Variants in EPOR observed in about 807,000 individuals in gnomAD.
EPOR encodes the protein erythropoietin receptor.
Under a neutral mutation model 34.3 loss-of-function variants are expected in EPOR, and 20 were observed. The ratio of observed to expected loss-of-function variants is 0.58; its 90% CI spans 0.41 to 0.85. EPOR has a LOEUF of 0.85. EPOR is among the 40% of genes least tolerant of loss of function. The probability of loss-of-function intolerance (pLI) is 0.00; values close to 1 mark genes in which losing one functional copy is unlikely to be tolerated. For synonymous variants in EPOR, 312 were observed against 299.0 expected, an observed-to-expected ratio of 1.04 and a Z score of -0.45; for missense variants, 601 against 672.7, an observed-to-expected ratio of 0.89 and a Z score of 1.18.
At chr19:11,382,763 G>C in intron 2 of EPOR, 1 of 1,220,838 alleles carries the variant, frequency 8.2e-7, no homozygotes, top group Non-Finnish European at 1.1e-6. Context: ...CAAAGAGTTG[G>C]GATTACAGGC....
rs1347652049 is a variant in EPOR at position 11,383,952 on chromosome 19, G to GT, written c.115+140dup. 2.9e-5 allele frequency: 20 copies of GT among 687,220 alleles called. No homozygotes were observed. The highest frequency in any genetic ancestry group is 2.1e-4 in the South Asian group (14 of 65,236). The allele number at this position is 687,220 out of a possible 1,614,324, so 42.6% of individuals were successfully genotyped here. Reference sequence around the variant, plus strand: ...CACCCATCCAGGACCCAGTCTAAGGGTTCAGATGCCAGCTTGGCCCCCAGG... The same window carrying GT: ...CACCCATCCAGGACCCAGTCTAAGGGTTTCAGATGCCAGCTTGGCCCCCAGG... On this transcript the variant is annotated intron_variant, in intron 1 of 7. Coordinates refer to ENST00000222139, the MANE Select transcript of EPOR (RefSeq NM_000121.4). The surrounding 1 kb of genome is among the most constrained non-coding windows in gnomAD (Gnocchi z 4.9).
rs900918184 is a variant in EPOR at position 11,382,886 on chromosome 19, G to A, written c.251+211C>T. 3.9e-6 allele frequency: 6 copies of A among 1,524,436 alleles called. No homozygotes were observed. In the Admixed American group the frequency reaches 1.2e-4, roughly 30 times the overall value. The allele number at this position is 1,524,436 out of a possible 1,614,324, so 94.4% of individuals were successfully genotyped here. On this transcript the variant is annotated intron_variant, in intron 2 of 7. Transcript: ENST00000222139. ...CGTTGTTATCCCAGCCTGATGTTTG[G>A]GGTCGCGTTCCAGCGGTGATCGCGG...
rs1204142088 is a variant in EPOR at position 11,381,045 on chromosome 19, T to TG, written c.739+10dup. On this transcript the variant is annotated intron_variant, in intron 5 of 7. Transcript: ENST00000222139. The surrounding 1 kb of genome is among the most constrained non-coding windows in gnomAD (Gnocchi z 5.3). ...CCCTGGCTCCTCCTACACCCCCGCCTGGGGCCTCACCGCTAGGCGTCAGCA... is the reference window on the plus strand; with the variant it reads ...CCCTGGCTCCTCCTACACCCCCGCCTGGGGGCCTCACCGCTAGGCGTCAGCA... The TG allele has an allele frequency of 1.3e-6, 2 of 1,596,028 alleles. No individual in the cohort carries two copies. The highest frequency in any genetic ancestry group is 2.7e-5 in the African/African-American group (2 of 74,570).
rs1444507777 is a variant in EPOR, at chr19:11,377,811, C to T, written c.*173G>A. 3 of 790,642 alleles carry T rather than the reference C, an allele frequency of 3.8e-6. No individual in the cohort carries two copies. The highest frequency in any genetic ancestry group is 6.7e-6 in the Non-Finnish European group (3 of 445,110). 49.0% of individuals were successfully genotyped at this position (790,642 alleles called of 1,614,324 possible). A position where few individuals can be genotyped will look rare whatever the true frequency, so the allele number is the denominator to read the frequency against. ...TATATAGATACAAAAAAAAACTATA[C>T]ATATTTAAAAATACTGCAAGGTTGT... On this transcript the variant is annotated 3_prime_UTR_variant, in exon 8 of 8. Transcript: ENST00000222139.
Position 11,377,930 on chromosome 19 carries a change from C to A in EPOR, c.*54G>T, listed in dbSNP as rs1166731146. ...CATCCCTGTTCCATAAGTCTTGAGT[C>A]TGCACTGGTTCTCTGAGTCATATTG... On this transcript the variant is annotated 3_prime_UTR_variant, in exon 8 of 8. Coordinates refer to ENST00000222139, the MANE Select transcript of EPOR (RefSeq NM_000121.4). 6.2e-7 allele frequency: 1 copy of A among 1,610,762 alleles called. No individual in the cohort carries two copies. Among genetic ancestry groups the A allele is most frequent in the East Asian group, 2.2e-5 (1 of 44,882 alleles).
rs756727018 is a variant in EPOR at position 11,381,750 on chromosome 19, G to A, written c.527C>T (p.Ser176Phe). Residue 176 changes from serine (S) to phenylalanine (F), a missense_variant, in exon 4 of 8, where the codon TCT becomes TTT. Physicochemically the swap from Ser to Phe is radical, Grantham distance 155. Coordinates refer to ENST00000222139, the MANE Select transcript of EPOR (RefSeq NM_000121.4). This position sits in a 1 kb window ranked among gnomAD's most constrained non-coding sequence, Gnocchi z 5.3. ...GACGTCCACCTCGTAGCGGATGTGAGACGTCATGGGTGTCTCAGGCGGCGG... is the reference window on the plus strand; with the variant it reads ...GACGTCCACCTCGTAGCGGATGTGAAACGTCATGGGTGTCTCAGGCGGCGG... ...WLPPPETPMT[S>F]HIRYEVDVSA... is the part of the protein sequence containing the mutation. 2 of 1,613,350 alleles carry A rather than the reference G, an allele frequency of 1.2e-6. No individual in the cohort carries two copies. The highest frequency in any genetic ancestry group is 1.7e-6 in the Non-Finnish European group (2 of 1,179,740).
At chr19:11,382,704 G>A (rs1306923744) in intron 2 of EPOR, 6 of 675,160 alleles carry the variant, frequency 8.9e-6, no homozygotes, top group Non-Finnish European at 1.3e-5. Flanking sequence ...GTGTTGCCCA[G>A]GCTGGTCTTG....
intron 2 of EPOR, 133 bp downstream of exon 2, chr19:11,382,964 T>G: frequency 6.3e-7 from 1 of 1,575,336 alleles, no homozygotes; most frequent in Non-Finnish European, 8.6e-7. Context: ...ACCCGCAGGT[T>G]TCCCTCCAGT....
chr19:11,382,698 T>C, intron 2 of EPOR: 1 of 623,176 alleles, frequency 1.6e-6, no homozygotes, highest in Non-Finnish European at 2.4e-6. Flanking sequence ...CTCGCTGTGT[T>C]GCCCAGGCTG....
At position 11,378,622 on chromosome 19, in the gene EPOR, G is replaced by A. The variant is rs1002715714; in HGVS notation, c.916-27C>T. On this transcript the variant is annotated intron_variant, in intron 7 of 7. Transcript: ENST00000222139. The surrounding 1 kb of genome is among the most constrained non-coding windows in gnomAD (Gnocchi z 5.3). ...TGAAGAAATAGCACCAACCTGCTCA[G>A]AGAGGCCTGCAGTTTGGCTGCAAGA... is the stretch of plus-strand genomic sequence containing the variant. The A allele has an allele frequency of 6.2e-7, 1 of 1,614,204 alleles. No individual in the cohort carries two copies. The highest frequency in any genetic ancestry group is 8.5e-7 in the Non-Finnish European group (1 of 1,180,028).
At position 11,378,817 on chromosome 19, in the gene EPOR, C is replaced by T; in HGVS notation, c.828-39G>A. 1 of 1,588,480 alleles carries T rather than the reference C, an allele frequency of 6.3e-7. No homozygotes were observed. The highest frequency in any genetic ancestry group is 1.1e-5 in the South Asian group (1 of 90,514). On this transcript the variant is annotated intron_variant, in intron 6 of 7. Transcript: ENST00000222139. This position sits in a 1 kb window ranked among gnomAD's most constrained non-coding sequence, Gnocchi z 5.3. Reference sequence around the variant, plus strand: ...TATAAATAGTTACATAGATATGACTCATTGAATACTCACCAATTCCCCCTC... The same window carrying T: ...TATAAATAGTTACATAGATATGACTTATTGAATACTCACCAATTCCCCCTC...
At chr19:11,379,448 G>A (rs949838170) in intron 6 of EPOR, among the ~76,000 whole-genome samples, 8 of 151,952 alleles carry the variant, frequency 5.3e-5, no homozygotes, top group Non-Finnish European at 7.4e-5. Context: ...GGGCATGCAC[G>A]CCTGTAATCT....
Position 11,384,253 on chromosome 19 carries a change from C to A in EPOR, c.-46G>T, listed in dbSNP as rs1234955793. 3 of 1,280,260 alleles carry A rather than the reference C, an allele frequency of 2.3e-6. No homozygotes were observed. The highest frequency in any genetic ancestry group is 2.5e-5 in the East Asian group (1 of 39,688). The allele number at this position is 1,280,260 out of a possible 1,614,324, so 79.3% of individuals were successfully genotyped here. A position where few individuals can be genotyped will look rare whatever the true frequency, so the allele number is the denominator to read the frequency against. ...GAGCCCAGGGCTCCTGCCCCTCCGT[C>A]CCCCGCCCCCGGCACAGTCCACAGC... On this transcript the variant is annotated 5_prime_UTR_variant, in exon 1 of 8. Coordinates refer to ENST00000222139, the MANE Select transcript of EPOR (RefSeq NM_000121.4).
chr19:11,382,361 C>CTTTTT (rs869111819), intron 2 of EPOR, among the ~76,000 whole-genome samples: 1 of 124,892 alleles, frequency 8.0e-6, no homozygotes, highest in Non-Finnish European at 1.7e-5. Flanking sequence ...CCACGCCTGG[C>CTTTTT]TTTTTTTTTT....
Position 11,383,230 on chromosome 19 carries a change from C to T in EPOR, c.118G>A (p.Ala40Thr), listed in dbSNP as rs367994954. The T allele has an allele frequency of 2.5e-6, 4 of 1,595,612 alleles. No homozygotes were observed. The highest frequency in any genetic ancestry group is 3.4e-6 in the Non-Finnish European group (4 of 1,172,552). Residue 40 changes from alanine (A) to threonine (T), a missense_variant and splice_region_variant, in exon 2 of 8, where the codon GCC (alanine) becomes ACC (threonine). By Grantham distance (58) the Ala-to-Thr change is moderately conservative. Transcript: ENST00000222139. This position sits in a 1 kb window ranked among gnomAD's most constrained non-coding sequence, Gnocchi z 4.9. ...TCGGGCCCCCGGGCCGCCAGCAAGG[C>T]CGCTGGGGAGGGGCGACAAAGGAAG... ...LPDPKFESKA[A>T]LLAARGPEEL...
chr19:11,379,680 T>A (rs569006490), intron 6 of EPOR, among the ~76,000 whole-genome samples: 60 of 151,524 alleles, frequency 4.0e-4, no homozygotes, highest in Non-Finnish European at 8.0e-4. Context: ...CCCCCTTACA[T>A]ACCACTCTAG....
At position 11,378,692 on chromosome 19, in the gene EPOR, T is replaced by C. The variant is rs775003412; in HGVS notation, c.914A>G (p.Gln305Arg). The change falls in exon 7 of 8, where the codon CAG becomes CGG. Residue 305 changes from glutamine to arginine, a missense_variant and splice_region_variant. By Grantham distance (43) the Gln-to-Arg change is conservative. Transcript: ENST00000222139. This position sits in a 1 kb window ranked among gnomAD's most constrained non-coding sequence, Gnocchi z 5.3. Reference sequence around the variant, plus strand: ...TGAGGGGACAACCAGGCCACCTACCTGGAAGTTACCCTTGTGGGTGGTGAA... The same window carrying C: ...TGAGGGGACAACCAGGCCACCTACCCGGAAGTTACCCTTGTGGGTGGTGAA... ...GLFTTHKGNF[Q>R]LWLYQNDGCL... The C allele has an allele frequency of 5.0e-6, 8 of 1,614,086 alleles. No individual in the cohort carries two copies. The African/African-American group carries it at 8.0e-5, about 16-fold the overall frequency.
chr19:11,377,958 T>C lies in EPOR; in HGVS notation c.*26A>G. The C allele has an allele frequency of 6.2e-7, 1 of 1,613,476 alleles. No homozygotes were observed. The highest frequency in any genetic ancestry group is 8.5e-7 in the Non-Finnish European group (1 of 1,179,908). On this transcript the variant is annotated 3_prime_UTR_variant, in exon 8 of 8. Coordinates refer to ENST00000222139, the MANE Select transcript of EPOR (RefSeq NM_000121.4). Reference sequence around the variant, plus strand: ...CACTGGTTCTCTGAGTCATATTGGATCCCTGATCATCTGCAGCCTGGTGTC... The same window carrying C: ...CACTGGTTCTCTGAGTCATATTGGACCCCTGATCATCTGCAGCCTGGTGTC...
intron 2 of EPOR, 116 bp downstream of exon 2, chr19:11,382,981 G>T (rs763281798): frequency 5.7e-6 from 9 of 1,590,846 alleles, no homozygotes; most frequent in Admixed American, 3.4e-5. Flanking sequence ...CAGTGACCAC[G>T]ACTGGAGGCG....
Sources: gnomAD v4.1 joint callset for allele counts (sites outside exome capture counted in the v4.1 genomes callset) on GRCh38, gnomAD v4.1.1 for gene constraint, Gnocchi (gnomAD v3.1) non-coding constraint, MANE v1.5 for transcripts, NCBI Gene and HGNC (gene_info 2026-07-23, HGNC 2026-07-21) for gene names.